Variants in USP25 observed in about 807,000 individuals in gnomAD.
USP25 encodes ubiquitin carboxyl-terminal hydrolase 25.
USP25 carries 85 observed loss-of-function variants against 158.5 expected under a neutral mutation model. The ratio of observed to expected loss-of-function variants is 0.54; its 90% CI spans 0.45 to 0.64. The LOEUF is 0.64. USP25 is among the 30% of genes least tolerant of loss of function. USP25 has a pLI of 0.00. For missense variants in USP25, 1,242 were observed against 1,327.3 expected, an observed-to-expected ratio of 0.94 and a Z score of 1.00; for synonymous variants, 464 against 460.4, an observed-to-expected ratio of 1.01 and a Z score of -0.10.
Position 15,843,360 on chromosome 21 carries a change from C to T in USP25, c.2337+820C>T, listed in dbSNP as rs1402007193. On this transcript the variant is annotated intron_variant, in intron 18 of 25. Coordinates refer to ENST00000400183, the MANE Select transcript of USP25 (RefSeq NM_001283041.3). This position sits in a 1 kb window ranked among gnomAD's most constrained non-coding sequence, Gnocchi z 4.0. ...TACGACATATCATAATTTTACAACA[C>T]GTAATTTTCTGCTTAGTAAGTGAAT... Among the ~76,000 whole-genome samples, 3 of 152,096 alleles carry T rather than the reference C, an allele frequency of 2.0e-5. No individual in the cohort carries two copies. The highest frequency in any genetic ancestry group is 4.4e-5 in the Non-Finnish European group (3 of 68,008).
At position 15,878,679 on chromosome 21, in the gene USP25, G is replaced by A. The variant is rs528169019; in HGVS notation, c.*204G>A. 18 of 439,594 alleles carry A rather than the reference G, an allele frequency of 4.1e-5. No individual in the cohort carries two copies. Among genetic ancestry groups the A allele is most frequent in the South Asian group, 6.7e-5 (1 of 15,026 alleles). The allele number at this position is 439,594 out of a possible 1,614,324, so 27.2% of individuals were successfully genotyped here. A position where few individuals can be genotyped will look rare whatever the true frequency, so the allele number is the denominator to read the frequency against. Reference sequence around the variant, plus strand: ...CGCATGGCGCTCAGACATTTTAACCGGAACTGATGTATAATCACAAATCTA... The same window carrying A: ...CGCATGGCGCTCAGACATTTTAACCAGAACTGATGTATAATCACAAATCTA... On this transcript the variant is annotated 3_prime_UTR_variant, in exon 26 of 26. Coordinates refer to ENST00000400183, the MANE Select transcript of USP25 (RefSeq NM_001283041.3).
intron 21 of USP25, among the ~76,000 whole-genome samples, chr21:15,865,053 GAAATTTCTGTA>G (rs1052207552): frequency 3.9e-5 from 6 of 152,028 alleles, no homozygotes; most frequent in African/African-American, 1.5e-4. Context: ...ATATTCTATA[GAAATTTCTGTA>G]GAATTTCTGT....
chr21:15,817,324 A>G (rs1325050699), intron 9 of USP25, among the ~76,000 whole-genome samples: 2 of 152,086 alleles, frequency 1.3e-5, no homozygotes, highest in Non-Finnish European at 2.9e-5. Context: ...ATGTATATGT[A>G]TGTAATTTTA....
chr21:15,788,725 A>G (rs1358905325), intron 4 of USP25, among the ~76,000 whole-genome samples: 5 of 152,052 alleles, frequency 3.3e-5, no homozygotes, highest in African/African-American at 4.8e-5. Context: ...TTGCACCACA[A>G]TTCTACCATG....
Position 15,760,106 on chromosome 21 carries a change from C to T in USP25, c.46-2785C>T, listed in dbSNP as rs546973320. 3.7e-4 allele frequency among the ~76,000 whole-genome samples: 57 copies of T among 152,312 alleles called. 1 individual carries two copies. In the Middle Eastern group the frequency reaches 0.014, roughly 36 times the overall value. On this transcript the variant is annotated intron_variant, in intron 1 of 25. Coordinates refer to ENST00000400183, the MANE Select transcript of USP25 (RefSeq NM_001283041.3). ...CATTCTTTTCTTTTTGATAGCAGAACCCTGATTTCATTTTCACAGCAGCCT... is the reference window on the plus strand; with the variant it reads ...CATTCTTTTCTTTTTGATAGCAGAATCCTGATTTCATTTTCACAGCAGCCT...
rs910488447 is a variant in USP25, at chr21:15,816,178, C to T, written c.932-2520C>T. Among the ~76,000 whole-genome samples the T allele has an allele frequency of 2.6e-5, 4 of 152,166 alleles. No individual in the cohort carries two copies. Among genetic ancestry groups the T allele is most frequent in the African/African-American group, 9.7e-5 (4 of 41,438 alleles). ...TATTCTCATGATATTGAATACATCTCATGAGATCTAATGAGTTTATCATGG... is the reference window on the plus strand; with the variant it reads ...TATTCTCATGATATTGAATACATCTTATGAGATCTAATGAGTTTATCATGG... On this transcript the variant is annotated intron_variant, in intron 9 of 25. Transcript: ENST00000400183. This position sits in a 1 kb window ranked among gnomAD's most constrained non-coding sequence, Gnocchi z 4.0.
At chr21:15,844,380 A>G (rs913283358) in intron 18 of USP25, among the ~76,000 whole-genome samples, 19 of 152,122 alleles carry the variant, frequency 1.2e-4, no homozygotes, top group African/African-American at 3.1e-4. Flanking sequence ...TAAATTGCCA[A>G]ATTTCTCCAG....
chr21:15,777,752 T>C (rs901639817), intron 3 of USP25, 152 bp from the exon 4 acceptor site: 2 of 607,802 alleles, frequency 3.3e-6, no homozygotes, highest in Admixed American at 3.9e-5. Context: ...GTTAAAAATA[T>C]GTTTGCATTT....
rs2037073531 is a variant in USP25, at chr21:15,818,665, A to G, written c.932-33A>G. 9 of 1,581,178 alleles carry G rather than the reference A, an allele frequency of 5.7e-6. No homozygotes were observed. In the Admixed American group the frequency reaches 1.6e-4, roughly 28 times the overall value. ...TTAATTTTAGTAGCCAGAAGGCCATATTGAGTATTATTAATTTTCTCCCTT... is the reference window on the plus strand; with the variant it reads ...TTAATTTTAGTAGCCAGAAGGCCATGTTGAGTATTATTAATTTTCTCCCTT... On this transcript the variant is annotated intron_variant, in intron 9 of 25. Transcript: ENST00000400183.
chr21:15,846,918 G>C (rs1489841679), intron 18 of USP25, among the ~76,000 whole-genome samples: 1 of 151,764 alleles, frequency 6.6e-6, no homozygotes, highest in African/African-American at 2.4e-5. Flanking sequence ...GAAATACATA[G>C]AATTTGTTAA....
intron 6 of USP25, 27 bp downstream of exon 6, chr21:15,799,870 A>C: frequency 1.3e-6 from 2 of 1,540,700 alleles, no homozygotes. Context: ...TTTTTTAAGC[A>C]GTATATATAC....
At chr21:15,747,867 G>T (rs1198373922) in intron 1 of USP25, among the ~76,000 whole-genome samples, 1 of 152,126 alleles carries the variant, frequency 6.6e-6, no homozygotes, top group African/African-American at 2.4e-5. Context: ...CGAGATAAGG[G>T]GAAACTACTG....
chr21:15,849,756 G>T, intron 19 of USP25, 21 bp from the exon 20 acceptor site: 1 of 1,498,316 alleles, frequency 6.7e-7, no homozygotes, highest in Non-Finnish European at 8.9e-7. Context: ...TTTTTTTAAT[G>T]TTAACTATCT....
chr21:15,851,332 G>C (rs1241242344), intron 20 of USP25, among the ~76,000 whole-genome samples: 1 of 151,984 alleles, frequency 6.6e-6, no homozygotes, highest in East Asian at 1.9e-4. Flanking sequence ...ATGACTTTCA[G>C]TTATTTAATC....
At chr21:15,861,417 G>A (rs777877454) in intron 20 of USP25, among the ~76,000 whole-genome samples, 3 of 152,240 alleles carry the variant, frequency 2.0e-5, no homozygotes, top group South Asian at 4.1e-4. Flanking sequence ...TTGCACATGC[G>A]TGGTGATTTC....
intron 10 of USP25, 54 bp from the exon 11 acceptor site, chr21:15,823,985 T>C: frequency 6.5e-7 from 1 of 1,549,394 alleles, no homozygotes; most frequent in Non-Finnish European, 8.8e-7. Flanking sequence ...AAGATTGCAG[T>C]GAAGAAAACA....
At chr21:15,777,083 T>C (rs1053074007) in intron 3 of USP25, among the ~76,000 whole-genome samples, 3 of 152,176 alleles carry the variant, frequency 2.0e-5, no homozygotes, top group African/African-American at 7.2e-5. Flanking sequence ...GACCAATATA[T>C]ATTGGGAAAT....
intron 1 of USP25, among the ~76,000 whole-genome samples, chr21:15,756,765 C>T (rs2033404810): frequency 6.6e-6 from 1 of 152,062 alleles, no homozygotes; most frequent in African/African-American, 2.4e-5. Flanking sequence ...GACTTCTTTG[C>T]TTATTAATTT....
At chr21:15,754,334 A>G (rs944298880) in intron 1 of USP25, among the ~76,000 whole-genome samples, 5 of 152,212 alleles carry the variant, frequency 3.3e-5, no homozygotes, top group Non-Finnish European at 5.9e-5. Flanking sequence ...TGCTGTATTC[A>G]TTTATTCAGT....
Sources: allele counts gnomAD v4.1 joint callset (sites outside exome capture counted in the v4.1 genomes callset), GRCh38; gene constraint gnomAD v4.1.1; non-coding constraint Gnocchi (gnomAD v3.1); transcripts MANE v1.5; gene names NCBI Gene and HGNC (gene_info 2026-07-23, HGNC 2026-07-21).